The following MAP2K5 variants were observed in gnomAD, a reference collection of about 807,000 sequenced individuals.
MAP2K5 encodes the protein mitogen-activated protein kinase kinase 5.
MAP2K5 carries 49 observed loss-of-function variants against 83.1 expected under a neutral mutation model. The ratio of observed to expected loss-of-function variants is 0.59; its 90% CI spans 0.47 to 0.75. The LOEUF (loss-of-function observed/expected upper bound fraction) is 0.75, where lower values mean the gene tolerates loss of function less well. Ranked by LOEUF, MAP2K5 falls within the 30% of genes least tolerant of loss-of-function variation. MAP2K5 has a pLI of 0.00. For missense variants in MAP2K5, 457 were observed against 557.5 expected, an observed-to-expected ratio of 0.82 and a Z score of 1.82; for synonymous variants, 202 against 191.8, an observed-to-expected ratio of 1.05 and a Z score of -0.44.
rs1276264088 is a variant in MAP2K5, at chr15:67,546,491, G to C, written c.135+3021G>C. 4 of 608,140 alleles carry C rather than the reference G, an allele frequency of 6.6e-6. No homozygotes were observed. The African/African-American group carries it at 8.0e-5, about 12-fold the overall frequency. 37.7% of individuals were successfully genotyped at this position (608,140 alleles called of 1,614,324 possible). On this transcript the variant is annotated intron_variant, in intron 1 of 21. Transcript: ENST00000178640. Reference sequence around the variant, plus strand: ...GTCACTGTGCATCAAATAGCTGGGAGACCCTGGGCAAGTCAGTCGGTCTCT... The same window carrying C: ...GTCACTGTGCATCAAATAGCTGGGACACCCTGGGCAAGTCAGTCGGTCTCT...
At chr15:67,674,069 G>A (rs1171965281) in intron 13 of MAP2K5, among the ~76,000 whole-genome samples, 1 of 152,070 alleles carries the variant, frequency 6.6e-6, no homozygotes, top group African/African-American at 2.4e-5. Flanking sequence ...GGCTGGTCTC[G>A]ATCTCCTGAC....
intron 16 of MAP2K5, among the ~76,000 whole-genome samples, chr15:67,713,079 A>G (rs1426702441): frequency 6.6e-6 from 1 of 152,218 alleles, no homozygotes; most frequent in Non-Finnish European, 1.5e-5. Context: ...ATAACATGGG[A>G]AAAATATATG....
Position 67,750,190 on chromosome 15 carries a change from G to A in MAP2K5, c.1134+1589G>A, listed in dbSNP as rs2089688046. On this transcript the variant is annotated intron_variant, in intron 19 of 21. Transcript: ENST00000178640. This position sits in a 1 kb window ranked among gnomAD's most constrained non-coding sequence, Gnocchi z 4.2. ...ATGAAGATTGATGAAGAACAATAAT[G>A]TGTAACTTAAATGATATATTTTTCT... Among the ~76,000 whole-genome samples, 1 of 152,184 alleles carries A rather than the reference G, an allele frequency of 6.6e-6. No individual in the cohort carries two copies. Among genetic ancestry groups the A allele is most frequent in the Non-Finnish European group, 1.5e-5 (1 of 68,030 alleles).
At position 67,769,358 on chromosome 15, in the gene MAP2K5, C is replaced by G. The variant is rs1293856016; in HGVS notation, c.1135-244C>G. On this transcript the variant is annotated intron_variant, in intron 19 of 21. Transcript: ENST00000178640. The surrounding 1 kb of genome is among the most constrained non-coding windows in gnomAD (Gnocchi z 5.2). Reference sequence around the variant, plus strand: ...TCTCCTACCCTGTGGCTATCATTGTCCTTTTTTCACCTCCCCCTCTCTCAG... The same window carrying G: ...TCTCCTACCCTGTGGCTATCATTGTGCTTTTTTCACCTCCCCCTCTCTCAG... Among the ~76,000 whole-genome samples the G allele has an allele frequency of 6.6e-6, 1 of 152,200 alleles. No homozygotes were observed. The highest frequency in any genetic ancestry group is 1.9e-4 in the East Asian group (1 of 5,194).
chr15:67,691,691 G>C (rs1312787579), intron 13 of MAP2K5, among the ~76,000 whole-genome samples: 2 of 151,994 alleles, frequency 1.3e-5, no homozygotes, highest in African/African-American at 2.4e-5. Context: ...GGCTTTTTTG[G>C]GCTCCCTGAA....
At chr15:67,574,987 G>GT (rs2140984469) in intron 3 of MAP2K5, among the ~76,000 whole-genome samples, 1 of 152,334 alleles carries the variant, frequency 6.6e-6, no homozygotes, top group East Asian at 1.9e-4. Flanking sequence ...CAGGGTCATA[G>GT]TGATGGTATT....
rs969882267 is a variant in MAP2K5 at position 67,738,266 on chromosome 15, A to G, written c.1075-9965A>G. On this transcript the variant is annotated intron_variant, in intron 17 of 21. Transcript: ENST00000178640. This position sits in a 1 kb window ranked among gnomAD's most constrained non-coding sequence, Gnocchi z 4.1. ...TTCTGTTCAGAAACAAGTTGCAGAG[A>G]GCACTCTTCTGGGCATAAGGCATGA... is the stretch of plus-strand genomic sequence containing the variant. Among the ~76,000 whole-genome samples, 2 of 152,198 alleles carry G rather than the reference A, an allele frequency of 1.3e-5. No individual in the cohort carries two copies. Among genetic ancestry groups the G allele is most frequent in the South Asian group, 4.1e-4 (2 of 4,828 alleles).
At position 67,563,360 on chromosome 15, in the gene MAP2K5, C is replaced by A; in HGVS notation, c.252+10C>A. 6.2e-7 allele frequency: 1 copy of A among 1,602,250 alleles called. No homozygotes were observed. The highest frequency in any genetic ancestry group is 2.2e-5 in the East Asian group (1 of 44,506). ...GGCAATGCTGTCATATGTAAGTATA[C>A]GACAAATGAAGACTATTTTTTAAAA... On this transcript the variant is annotated intron_variant, in intron 3 of 21. Coordinates refer to ENST00000178640, the MANE Select transcript of MAP2K5 (RefSeq NM_145160.3). The surrounding 1 kb of genome is among the most constrained non-coding windows in gnomAD (Gnocchi z 4.5).
In MAP2K5 at chr15:67,783,886, A is replaced by G. The variant is rs12901985; in HGVS notation, c.1242+11134A>G. ...ACAGATGTGAAAGGCAGCTTATATC[A>G]TAAGTAAAAGTACCAGAGCCTCTAA... On this transcript the variant is annotated intron_variant, in intron 21 of 21. Transcript: ENST00000178640. This position sits in a 1 kb window ranked among gnomAD's most constrained non-coding sequence, Gnocchi z 5.1. Among the ~76,000 whole-genome samples the G allele has an allele frequency of 0.099, 15,143 of 152,228 alleles. 859 individuals are homozygous for G. Among genetic ancestry groups the G allele is most frequent in the South Asian group, 0.21 (1,001 of 4,820 alleles).
chr15:67,686,450 T>C (rs1460847197), intron 13 of MAP2K5, among the ~76,000 whole-genome samples: 5 of 151,640 alleles, frequency 3.3e-5, no homozygotes, highest in Non-Finnish European at 7.4e-5. Flanking sequence ...TCACTAAAAA[T>C]ACAAAAACTA....
chr15:67,581,455 C>T (rs1048147352), intron 4 of MAP2K5, among the ~76,000 whole-genome samples: 4 of 151,990 alleles, frequency 2.6e-5, no homozygotes, highest in African/African-American at 9.7e-5. Context: ...ATAAATGTTC[C>T]CTCAAAATTT....
At chr15:67,733,658 T>G (rs2089274424) in intron 17 of MAP2K5, among the ~76,000 whole-genome samples, 1 of 152,152 alleles carries the variant, frequency 6.6e-6, no homozygotes, top group South Asian at 2.1e-4. Context: ...AAAATAGAGA[T>G]CTACTTTACT....
chr15:67,748,160 T>G lies in MAP2K5; in HGVS notation c.1075-71T>G, dbSNP rs2089644627. 1 of 1,081,206 alleles carries G rather than the reference T, an allele frequency of 9.2e-7. No individual in the cohort carries two copies. Among genetic ancestry groups the G allele is most frequent in the Admixed American group, 1.9e-5 (1 of 52,378 alleles). 67.0% of individuals were successfully genotyped at this position (1,081,206 alleles called of 1,614,324 possible). On this transcript the variant is annotated intron_variant, in intron 17 of 21. Transcript: ENST00000178640. This position sits in a 1 kb window ranked among gnomAD's most constrained non-coding sequence, Gnocchi z 4.0. Reference sequence around the variant, plus strand: ...CCACCAGCAATGCAATAATTTTCTCTCAGTGATCATAATGTGTCCAAGTGA... The same window carrying G: ...CCACCAGCAATGCAATAATTTTCTCGCAGTGATCATAATGTGTCCAAGTGA...
chr15:67,691,047 G>A (rs2088101055), intron 13 of MAP2K5, among the ~76,000 whole-genome samples: 1 of 152,204 alleles, frequency 6.6e-6, no homozygotes, highest in African/African-American at 2.4e-5. Context: ...GTTATAGTGT[G>A]TGGTATCTGA....
Position 67,630,907 on chromosome 15 carries a change from G to A in MAP2K5, c.565G>A (p.Gly189Arg). 1 of 1,609,242 alleles carries A rather than the reference G, an allele frequency of 6.2e-7. No individual in the cohort carries two copies. Among genetic ancestry groups the A allele is most frequent in the Non-Finnish European group, 8.5e-7 (1 of 1,177,324 alleles). ...CCATAGAGCATATCATGTCCCGAGT[G>A]GGAAAATATTAGCTGTAAAGGTAAG... ...TVYKAYHVPS[G>R]KILAVKVILL... Residue 189 changes from glycine to arginine, a missense_variant, in exon 9 of 22, where the codon GGG (glycine) becomes AGG (arginine). Around this residue, in one of 3 missense-constraint regions of MAP2K5, gnomAD observed 234 missense variants for 243.6 expected, o/e 0.96. Coordinates refer to ENST00000178640, the MANE Select transcript of MAP2K5 (RefSeq NM_145160.3).
At chr15:67,789,804 A>AT (rs907743193) in intron 21 of MAP2K5, among the ~76,000 whole-genome samples, 20 of 147,914 alleles carry the variant, frequency 1.4e-4, no homozygotes, top group Admixed American at 3.4e-4. Flanking sequence ...TGTTGGTCAC[A>AT]TTTTTTTTTT....
chr15:67,554,170 C>A (rs541825421), intron 2 of MAP2K5, among the ~76,000 whole-genome samples: 51 of 152,196 alleles, frequency 3.4e-4, no homozygotes, highest in Admixed American at 2.9e-3. Flanking sequence ...AGCAATCCTC[C>A]CACCTCAGCC....
At chr15:67,615,325 A>G (rs2086032625) in intron 8 of MAP2K5, among the ~76,000 whole-genome samples, 1 of 152,182 alleles carries the variant, frequency 6.6e-6, no homozygotes, top group African/African-American at 2.4e-5. Flanking sequence ...TTATTTTGTA[A>G]TCAGTAGTCA....
intron 2 of MAP2K5, among the ~76,000 whole-genome samples, chr15:67,557,099 C>G (rs2084642703): frequency 6.6e-6 from 1 of 152,132 alleles, no homozygotes; most frequent in East Asian, 1.9e-4. Flanking sequence ...GCCCAGAGAC[C>G]CCTGCTGATT....
Sources: allele counts gnomAD v4.1 joint callset (sites outside exome capture counted in the v4.1 genomes callset), GRCh38; gene constraint gnomAD v4.1.1; regional missense constraint gnomAD v4.1.1; non-coding constraint Gnocchi (gnomAD v3.1); transcripts MANE v1.5; gene names NCBI Gene and HGNC (gene_info 2026-07-23, HGNC 2026-07-21).